USH2A: variants seen among roughly 807,000 people sequenced by gnomAD.
The protein encoded by USH2A is Usher syndrome 2A (autosomal recessive, mild).
In USH2A, 443 loss-of-function variants were observed where a neutral mutation model predicts 538.9. The observed-to-expected ratio is 0.82, with a 90% CI of 0.76 to 0.89. The LOEUF (loss-of-function observed/expected upper bound fraction) is 0.89, where lower values mean the gene tolerates loss of function less well. USH2A is among the 40% of genes least tolerant of loss of function. The pLI is 0.00. For missense variants in USH2A, 6,633 were observed against 6,324.8 expected (o/e 1.05, Z -1.65); for synonymous variants, 2,413 against 2,273.5 (o/e 1.06, Z -1.75).
At chr1:216,269,357 A>G (rs528570361) in intron 11 of USH2A, among the ~76,000 whole-genome samples, 1 of 152,030 alleles carries the variant, frequency 6.6e-6, no homozygotes, top group Non-Finnish European at 1.5e-5. Flanking sequence ...GATGTGACTT[A>G]CTCCTCTTTG....
At chr1:216,086,581 TA>T in intron 24 of USH2A, 137 bp downstream of exon 24, 2 of 698,296 alleles carry the variant, frequency 2.9e-6, no homozygotes, top group Non-Finnish European at 4.9e-6. Context: ...AAAAGAGACC[TA>T]AAGGAAATTT....
rs137902779 is a variant in USH2A, at chr1:215,648,656, C to A, written c.14454G>T (p.Pro4818=). The change falls in exon 66 of 72, where the codon CCG becomes CCT. Residue 4818 remains proline, a synonymous_variant. Coordinates refer to ENST00000307340, the MANE Select transcript of USH2A (RefSeq NM_206933.4). ...CAGGATGGGTTCTCAGTTCAGCTGTCGGTCCTTTGCTGCAACAGTTGAAGC... is the reference window on the plus strand; with the variant it reads ...CAGGATGGGTTCTCAGTTCAGCTGTAGGTCCTTTGCTGCAACAGTTGAAGC... ...CTCFNCCSKG[P]TAELRTHPAP... is the part of the protein sequence containing the mutation. 1 of 1,614,036 alleles carries A rather than the reference C, an allele frequency of 6.2e-7. No homozygotes were observed. Among genetic ancestry groups the A allele is most frequent in the Non-Finnish European group, 8.5e-7 (1 of 1,180,040 alleles).
At chr1:215,799,932 G>A (rs9628704) in intron 49 of USH2A, among the ~76,000 whole-genome samples, 22,263 of 151,958 alleles carry the variant, frequency 0.15, 1,666 homozygotes, top group South Asian at 0.23. Context: ...GGCAGAGTGC[G>A]CAGTGAGCCA....
At chr1:216,015,515 C>A (rs932347037) in intron 32 of USH2A, among the ~76,000 whole-genome samples, 3 of 152,184 alleles carry the variant, frequency 2.0e-5, no homozygotes, top group African/African-American at 7.2e-5. Flanking sequence ...GCCAGATGAG[C>A]AATTAACCAT....
chr1:216,338,482 T>C (rs905430087), intron 4 of USH2A, among the ~76,000 whole-genome samples: 1 of 151,498 alleles, frequency 6.6e-6, no homozygotes, highest in African/African-American at 2.4e-5. Context: ...TAGAAGGCAA[T>C]ATATATCATG....
intron 27 of USH2A, among the ~76,000 whole-genome samples, chr1:216,074,417 C>T (rs1472421295): frequency 2.0e-5 from 3 of 152,010 alleles, no homozygotes; most frequent in African/African-American, 4.8e-5. Flanking sequence ...GATTAAAGCA[C>T]AGCAGCAGGA....
chr1:216,262,398 T>C (rs542911553), intron 11 of USH2A, among the ~76,000 whole-genome samples: 1 of 151,926 alleles, frequency 6.6e-6, no homozygotes, highest in Non-Finnish European at 1.5e-5. Context: ...AACAGAAATA[T>C]TGGAGCTGAG....
chr1:216,362,961 A>C lies in USH2A; in HGVS notation c.784+1992T>G, dbSNP rs149576599. On this transcript the variant is annotated intron_variant, in intron 4 of 71. Coordinates refer to ENST00000307340, the MANE Select transcript of USH2A (RefSeq NM_206933.4). ...TGTCAAAAAAAAATAATAATAAAAT[A>C]ATAATATTATTATTATTTACTGATA... Among the ~76,000 whole-genome samples the C allele has an allele frequency of 4.9e-3, 734 of 151,142 alleles. 4 individuals are homozygous for C. Among genetic ancestry groups the C allele is most frequent in the African/African-American group, 0.017 (703 of 41,348 alleles).
chr1:216,075,444 C>A lies in USH2A; in HGVS notation c.5573-2144G>T, dbSNP rs182331288. On this transcript the variant is annotated intron_variant, in intron 27 of 71. Transcript: ENST00000307340. ...ATGCTTTCTTTTCTTACTCCACTAC[C>A]CTTGTGAGAATCCAAAAAAATCCCC... Among the ~76,000 whole-genome samples the A allele has an allele frequency of 1.2e-3, 190 of 152,284 alleles. 1 individual carries two copies. Among genetic ancestry groups the A allele is most frequent in the Non-Finnish European group, 2.0e-3 (134 of 68,026 alleles).
chr1:215,991,772 C>G (rs17025835), intron 35 of USH2A, among the ~76,000 whole-genome samples: 4,219 of 152,238 alleles, frequency 0.028, 198 homozygotes, highest in African/African-American at 0.097. Context: ...GTTGTATTAA[C>G]CAATTGGGAT....
intron 4 of USH2A, among the ~76,000 whole-genome samples, chr1:216,363,705 A>G (rs917639685): frequency 6.6e-6 from 1 of 152,058 alleles, no homozygotes; most frequent in African/African-American, 2.4e-5. Flanking sequence ...ATAGGAGCTT[A>G]AGAAATCTCA....
In USH2A at chr1:215,790,508, G is replaced by A. The variant is rs114814321; in HGVS notation, c.9959-226C>T. ...AAAGAACACACAAGAGGAAATGTTC[G>A]AAAATCATTCAGCTGGGCCAAACTT... On this transcript the variant is annotated intron_variant, in intron 50 of 71. Coordinates refer to ENST00000307340, the MANE Select transcript of USH2A (RefSeq NM_206933.4). Among the ~76,000 whole-genome samples the A allele has an allele frequency of 4.8e-3, 727 of 152,256 alleles. 10 individuals are homozygous for A. Among genetic ancestry groups the A allele is most frequent in the African/African-American group, 0.016 (668 of 41,538 alleles).
At chr1:216,414,109 T>C (rs1376180545) in intron 3 of USH2A, among the ~76,000 whole-genome samples, 1 of 152,136 alleles carries the variant, frequency 6.6e-6, no homozygotes. Flanking sequence ...TGTGCTGATT[T>C]AATATGAAAA....
chr1:216,334,570 A>T (rs1333401248), intron 4 of USH2A, among the ~76,000 whole-genome samples: 1 of 151,938 alleles, frequency 6.6e-6, no homozygotes, highest in Non-Finnish European at 1.5e-5. Flanking sequence ...CCCCTATAGG[A>T]GTTCTGCAAG....
At chr1:215,783,149 T>C (rs1661698253) in intron 52 of USH2A, among the ~76,000 whole-genome samples, 1 of 152,092 alleles carries the variant, frequency 6.6e-6, no homozygotes, top group Non-Finnish European at 1.5e-5. Context: ...TTGCACAGAA[T>C]AGAATTCCCT....
At chr1:215,882,032 C>T (rs891108274) in intron 41 of USH2A, among the ~76,000 whole-genome samples, 5 of 152,152 alleles carry the variant, frequency 3.3e-5, no homozygotes, top group African/African-American at 9.7e-5. Flanking sequence ...GAGTAACACC[C>T]AAAAGCATAG....
intron 3 of USH2A, among the ~76,000 whole-genome samples, chr1:216,376,866 A>G (rs1442588216): frequency 5.3e-5 from 8 of 152,210 alleles, no homozygotes; most frequent in Non-Finnish European, 1.5e-5. Flanking sequence ...TAGTCCTGCC[A>G]TATAAACAAA....
At chr1:216,324,128 C>T (rs781116952) in intron 7 of USH2A, 40 bp downstream of exon 7, 1 of 1,432,388 alleles carries the variant, frequency 7.0e-7, no homozygotes, top group Non-Finnish European at 9.7e-7. Context: ...TATTAATAAC[C>T]AATCAGTCTA....
intron 61 of USH2A, among the ~76,000 whole-genome samples, chr1:215,715,909 A>T (rs1659468758): frequency 6.6e-6 from 1 of 152,188 alleles, no homozygotes; most frequent in Admixed American, 6.5e-5. Context: ...TTTGGACCAT[A>T]TGGCTCAATT....
Sources: allele counts gnomAD v4.1 joint callset (sites outside exome capture counted in the v4.1 genomes callset), GRCh38; gene constraint gnomAD v4.1.1; transcripts MANE v1.5; gene names NCBI Gene and HGNC (gene_info 2026-07-23, HGNC 2026-07-21).